The following RNF121 variants were observed in gnomAD, a reference collection of about 807,000 sequenced individuals.
RNF121 encodes ring finger protein 121.
Under a neutral mutation model 46.5 loss-of-function variants are expected in RNF121, and 21 were observed. The ratio of observed to expected loss-of-function variants is 0.45; its 90% CI spans 0.32 to 0.65. The LOEUF (loss-of-function observed/expected upper bound fraction) is 0.65, where lower values mean the gene tolerates loss of function less well. Among genes scored for constraint, RNF121 ranks in the 30% least tolerant of loss-of-function variants. RNF121 has a pLI of 0.04. For missense variants in RNF121, 346 were observed against 416.0 expected (o/e 0.83, Z 1.46); for synonymous variants, 139 against 144.7 (o/e 0.96, Z 0.28).
Position 71,968,946 on chromosome 11 carries a change from C to T in RNF121, c.243+8055C>T, listed in dbSNP as rs1257361782. Among the ~76,000 whole-genome samples the T allele has an allele frequency of 4.9e-5, 7 of 143,010 alleles. No homozygotes were observed. The East Asian group carries it at 1.4e-3, about 30-fold the overall frequency. The allele number at this position is 143,010 out of a possible 152,430, so 93.8% of individuals were successfully genotyped here. A position where few individuals can be genotyped will look rare whatever the true frequency, so the allele number is the denominator to read the frequency against. On this transcript the variant is annotated intron_variant, in intron 3 of 8. Transcript: ENST00000361756. ...TGTTGCCCAGGCTGGAATGCAGTGG[C>T]GCGATCTCGGCTCACTGCAACCTCC...
At chr11:71,961,046 G>A (rs781104698) in intron 3 of RNF121, among the ~76,000 whole-genome samples, 155 bp downstream of exon 3, 8 of 152,218 alleles carry the variant, frequency 5.3e-5, no homozygotes, top group Non-Finnish European at 1.0e-4. Flanking sequence ...ATTGGCGAGT[G>A]TGTGTCTAAG....
intron 3 of RNF121, among the ~76,000 whole-genome samples, chr11:71,977,032 T>C (rs1954540438): frequency 1.3e-5 from 2 of 152,210 alleles, no homozygotes. Context: ...ATGAAAATAT[T>C]GAGCAGAGCC....
At chr11:71,973,911 C>G (rs760303990) in intron 3 of RNF121, among the ~76,000 whole-genome samples, 5 of 152,054 alleles carry the variant, frequency 3.3e-5, no homozygotes, top group Non-Finnish European at 7.4e-5. Context: ...TTGAAAAATA[C>G]AAAAAACAAA....
intron 1 of RNF121, among the ~76,000 whole-genome samples, chr11:71,934,123 C>T (rs1953343870): frequency 6.6e-6 from 1 of 152,184 alleles, no homozygotes; most frequent in Non-Finnish European, 1.5e-5. Flanking sequence ...GCTTCTTGGA[C>T]TATTCCGATC....
chr11:71,988,155 G>C (rs1222177486), intron 5 of RNF121, among the ~76,000 whole-genome samples: 6 of 152,180 alleles, frequency 3.9e-5, no homozygotes, highest in Non-Finnish European at 8.8e-5. Context: ...TGCATTCCTA[G>C]GGATGGAATT....
rs1227244843 is a variant in RNF121, at chr11:71,992,852, G to A, written c.628-1867G>A. ...TATTTCTATTTTTTTTTTCAGAATG[G>A]AAATATATCTTTATTGTTTTGCTGT... On this transcript the variant is annotated intron_variant, in intron 6 of 8. Transcript: ENST00000361756. 2.6e-5 allele frequency among the ~76,000 whole-genome samples: 4 copies of A among 151,974 alleles called. No individual in the cohort carries two copies. The East Asian group carries it at 7.7e-4, about 29-fold the overall frequency.
intron 3 of RNF121, among the ~76,000 whole-genome samples, chr11:71,977,634 G>C (rs910547629): frequency 6.6e-6 from 1 of 152,188 alleles, no homozygotes; most frequent in African/African-American, 2.4e-5. Context: ...CTTTGTATTT[G>C]CACATTCAGG....
chr11:71,990,407 A>G (rs1262181379), intron 5 of RNF121, among the ~76,000 whole-genome samples, 190 bp from the exon 6 acceptor site: 1 of 152,216 alleles, frequency 6.6e-6, no homozygotes, highest in African/African-American at 2.4e-5. Context: ...AGTGCTAGCT[A>G]GCCTCCTCAA....
At chr11:71,963,447 C>T (rs1387434847) in intron 3 of RNF121, among the ~76,000 whole-genome samples, 1 of 151,928 alleles carries the variant, frequency 6.6e-6, no homozygotes, top group Non-Finnish European at 1.5e-5. Context: ...ATGGTGAAAC[C>T]CCGTCTCTAA....
intron 1 of RNF121, among the ~76,000 whole-genome samples, chr11:71,949,545 A>C (rs992967559): frequency 6.6e-6 from 1 of 151,238 alleles, no homozygotes; most frequent in African/African-American, 2.4e-5. Context: ...TGAAAACCCC[A>C]TCTGTACTAA....
intron 1 of RNF121, among the ~76,000 whole-genome samples, chr11:71,934,726 A>G (rs1953360528): frequency 6.6e-6 from 1 of 151,954 alleles, no homozygotes; most frequent in African/African-American, 2.4e-5. Flanking sequence ...TGTAGTGGGG[A>G]AAAAGCCATA....
At chr11:71,981,617 G>T (rs181848936) in intron 3 of RNF121, among the ~76,000 whole-genome samples, 3 of 152,224 alleles carry the variant, frequency 2.0e-5, no homozygotes, top group Middle Eastern at 3.4e-3. Flanking sequence ...TCAAATTTCT[G>T]TCTTAGAGTT....
chr11:71,969,212 C>G (rs941567570), intron 3 of RNF121, among the ~76,000 whole-genome samples: 1 of 151,852 alleles, frequency 6.6e-6, no homozygotes, highest in Non-Finnish European at 1.5e-5. Context: ...CATAGCAACA[C>G]TATTTGTAGT....
intron 2 of RNF121, among the ~76,000 whole-genome samples, chr11:71,959,926 G>A (rs1331153991): frequency 2.0e-5 from 3 of 152,092 alleles, no homozygotes; most frequent in Non-Finnish European, 2.9e-5. Context: ...GTGAGCCACC[G>A]CGCCCGGCCT....
intron 3 of RNF121, among the ~76,000 whole-genome samples, chr11:71,982,559 T>TA (rs1954687148): frequency 6.6e-6 from 1 of 152,006 alleles, no homozygotes; most frequent in South Asian, 2.1e-4. Flanking sequence ...ATCCAAGAGA[T>TA]AGTTGAGTGA....
intron 1 of RNF121, among the ~76,000 whole-genome samples, chr11:71,930,516 T>G (rs1158005629): frequency 7.4e-6 from 1 of 134,696 alleles, no homozygotes; most frequent in African/African-American, 2.6e-5. Context: ...TAAAGAAGTG[T>G]TGTAGTCTTC....
At position 71,996,791 on chromosome 11, in the gene RNF121, C is replaced by T. The variant is rs556778298; in HGVS notation, c.*476C>T. On this transcript the variant is annotated 3_prime_UTR_variant, in exon 9 of 9. Coordinates refer to ENST00000361756, the MANE Select transcript of RNF121 (RefSeq NM_018320.5). ...AGCTAACGTACTCAGGCTTGTGCCA[C>T]GGGTGAGCACTGAGGCCCCAGGTGT... 3.1e-5 allele frequency: 5 copies of T among 160,246 alleles called. No individual in the cohort carries two copies. Among genetic ancestry groups the T allele is most frequent in the African/African-American group, 9.6e-5 (4 of 41,634 alleles). The allele number at this position is 160,246 out of a possible 1,614,324, so 9.9% of individuals were successfully genotyped here. A position where few individuals can be genotyped will look rare whatever the true frequency, so the allele number is the denominator to read the frequency against.
intron 1 of RNF121, chr11:71,939,329 A>G: frequency 6.1e-6 from 1 of 164,874 alleles, no homozygotes; most frequent in South Asian, 1.3e-4. Flanking sequence ...TACTGACTCC[A>G]CAGTTGGAAC....
At chr11:71,932,297 T>C (rs1308005439) in intron 1 of RNF121, among the ~76,000 whole-genome samples, 1 of 152,246 alleles carries the variant, frequency 6.6e-6, no homozygotes, top group Non-Finnish European at 1.5e-5. Context: ...TAGATGGAGT[T>C]AACCCCATTT....
Sources: allele counts gnomAD v4.1 joint callset (sites outside exome capture counted in the v4.1 genomes callset), GRCh38; gene constraint gnomAD v4.1.1; transcripts MANE v1.5; gene names NCBI Gene and HGNC (gene_info 2026-07-23, HGNC 2026-07-21).